The following IGSF21 variants were observed in gnomAD, a reference collection of about 807,000 sequenced individuals.
The protein encoded by IGSF21 is immunoglobin superfamily member 21, also known as immunoglobulin superfamily member 21.
Under a neutral mutation model 46.8 loss-of-function variants are expected in IGSF21, and 28 were observed. The ratio of observed to expected loss-of-function variants is 0.60; its 90% confidence interval spans 0.44 to 0.82. The LOEUF is 0.82. IGSF21 is among the 40% of genes least tolerant of loss of function. The pLI, the probability that IGSF21 is intolerant of heterozygous loss-of-function variation, is 0.00. For missense variants in IGSF21, 624 were observed against 665.5 expected, an observed-to-expected ratio of 0.94 and a Z score of 0.69; for synonymous variants, 284 against 273.6, an observed-to-expected ratio of 1.04 and a Z score of -0.38.
chr1:18,169,985 G>C (rs531544261), intron 1 of IGSF21, among the ~76,000 whole-genome samples: 116 of 152,282 alleles, frequency 7.6e-4, no homozygotes, highest in South Asian at 1.0e-3. Flanking sequence ...AGGTATGGCA[G>C]GTGGCCATGA....
intron 2 of IGSF21, among the ~76,000 whole-genome samples, chr1:18,235,247 C>T (rs1044466522): frequency 1.3e-5 from 2 of 152,330 alleles, no homozygotes; most frequent in South Asian, 4.1e-4. Flanking sequence ...ATAGAGGGAG[C>T]TGTTCCATGC....
chr1:18,157,570 C>T (rs997942846), intron 1 of IGSF21, among the ~76,000 whole-genome samples: 7 of 152,222 alleles, frequency 4.6e-5, no homozygotes, highest in Admixed American at 2.0e-4. Flanking sequence ...CTGTTCTCAA[C>T]GTGTCCGCTC....
At chr1:18,329,821 C>A (rs80217713) in intron 3 of IGSF21, among the ~76,000 whole-genome samples, 6,185 of 152,312 alleles carry the variant, frequency 0.041, 400 homozygotes, top group African/African-American at 0.14. Flanking sequence ...TGGCCCACAG[C>A]CCTGGCTCCA....
At position 18,157,767 on chromosome 1, in the gene IGSF21, C is replaced by G. The variant is rs371819616; in HGVS notation, c.70+49569C>G. Among the ~76,000 whole-genome samples, 20 of 152,278 alleles carry G rather than the reference C, an allele frequency of 1.3e-4. 1 individual carries two copies. In the East Asian group the frequency reaches 3.7e-3, roughly 28 times the overall value. ...GGGTCACATATTTGGTTCGCCACTC[C>G]AACACCATGATGTTTCCACTCCATC... On this transcript the variant is annotated intron_variant, in intron 1 of 9. Coordinates refer to ENST00000251296, the MANE Select transcript of IGSF21 (RefSeq NM_032880.5).
intron 1 of IGSF21, among the ~76,000 whole-genome samples, chr1:18,219,962 G>GA (rs1397870500): frequency 6.6e-6 from 1 of 152,218 alleles, no homozygotes; most frequent in East Asian, 1.9e-4. Flanking sequence ...AAGCCAGGAA[G>GA]ATAGGACAAA....
intron 3 of IGSF21, among the ~76,000 whole-genome samples, chr1:18,324,505 G>T (rs1174562921): frequency 2.0e-5 from 3 of 152,168 alleles, no homozygotes; most frequent in Non-Finnish European, 4.4e-5. Flanking sequence ...CCTGGTCCAG[G>T]TGGCCCGGCC....
At chr1:18,341,299 A>G (rs899934468) in intron 4 of IGSF21, among the ~76,000 whole-genome samples, 1 of 152,042 alleles carries the variant, frequency 6.6e-6, no homozygotes, top group Non-Finnish European at 1.5e-5. Context: ...TCATTGAATT[A>G]GGACTCACCC....
intron 1 of IGSF21, among the ~76,000 whole-genome samples, chr1:18,127,025 C>T (rs956082825): frequency 1.3e-5 from 2 of 152,184 alleles, no homozygotes; most frequent in Non-Finnish European, 2.9e-5. Flanking sequence ...CAAATACAAG[C>T]CCAGGCTGTT....
At chr1:18,346,007 A>G (rs770236144) in intron 4 of IGSF21, among the ~76,000 whole-genome samples, 173 of 152,324 alleles carry the variant, frequency 1.1e-3, no homozygotes, top group Non-Finnish European at 1.4e-3. Context: ...CTGTTGGGGC[A>G]TGAAATGTAA....
At chr1:18,196,570 T>G (rs1056466510) in intron 1 of IGSF21, among the ~76,000 whole-genome samples, 32 of 152,188 alleles carry the variant, frequency 2.1e-4, no homozygotes, top group Non-Finnish European at 5.9e-5. Context: ...TGAAAAATTA[T>G]CCGTGTCAAG....
chr1:18,254,190 T>C (rs1447888360), intron 2 of IGSF21, among the ~76,000 whole-genome samples: 1 of 152,184 alleles, frequency 6.6e-6, no homozygotes, highest in Non-Finnish European at 1.5e-5. Flanking sequence ...ATCCCAGTGC[T>C]TCTGCTCTTA....
intron 1 of IGSF21, among the ~76,000 whole-genome samples, chr1:18,161,887 C>T (rs2086629162): frequency 6.6e-6 from 1 of 152,094 alleles, no homozygotes; most frequent in African/African-American, 2.4e-5. Flanking sequence ...GGCTGTGTGA[C>T]CTTGGGCAGG....
chr1:18,185,227 G>A (rs907304958), intron 1 of IGSF21, among the ~76,000 whole-genome samples: 3 of 152,178 alleles, frequency 2.0e-5, no homozygotes, highest in Non-Finnish European at 2.9e-5. Context: ...GTGGGACAAT[G>A]AGTGGGATCC....
At chr1:18,133,702 C>T (rs933650738) in intron 1 of IGSF21, among the ~76,000 whole-genome samples, 38 of 152,330 alleles carry the variant, frequency 2.5e-4, no homozygotes, top group African/African-American at 7.2e-4. Context: ...CTCCCGTGAC[C>T]CCTGCCTCGG....
intron 6 of IGSF21, among the ~76,000 whole-genome samples, chr1:18,368,612 C>T (rs142972878): frequency 1.9e-3 from 296 of 152,174 alleles, no homozygotes; most frequent in African/African-American, 6.7e-3. Flanking sequence ...GAGCCTGCTC[C>T]GACCCCTCTC....
At chr1:18,190,770 G>A (rs2086947788) in intron 1 of IGSF21, among the ~76,000 whole-genome samples, 2 of 152,212 alleles carry the variant, frequency 1.3e-5, no homozygotes, top group Admixed American at 1.3e-4. Context: ...GGATTTGTGA[G>A]CTTGTAAAAC....
At chr1:18,261,879 A>G (rs1419332113) in intron 2 of IGSF21, among the ~76,000 whole-genome samples, 2 of 152,206 alleles carry the variant, frequency 1.3e-5, no homozygotes, top group Non-Finnish European at 2.9e-5. Flanking sequence ...AAGTATTGTC[A>G]GGGGAGTGTG....
At chr1:18,227,240 A>G (rs2084577325) in intron 1 of IGSF21, among the ~76,000 whole-genome samples, 1 of 152,046 alleles carries the variant, frequency 6.6e-6, no homozygotes, top group African/African-American at 2.4e-5. Flanking sequence ...GGAGGGTGTT[A>G]AGGAAGCCAA....
At chr1:18,328,527 C>G (rs537370970) in intron 3 of IGSF21, among the ~76,000 whole-genome samples, 1 of 152,122 alleles carries the variant, frequency 6.6e-6, no homozygotes, top group Non-Finnish European at 1.5e-5. Flanking sequence ...TGTCTTGTTC[C>G]CTTATATATA....
Sources: gnomAD v4.1 joint callset for allele counts (sites outside exome capture counted in the v4.1 genomes callset) on GRCh38, gnomAD v4.1.1 for gene constraint, MANE v1.5 for transcripts, NCBI Gene and HGNC (gene_info 2026-07-23, HGNC 2026-07-21) for gene names.